CLDN10: variants seen among roughly 807,000 people sequenced by gnomAD.
CLDN10 encodes claudin-10.
Under a neutral mutation model 22.9 loss-of-function variants are expected in CLDN10, and 15 were observed. The ratio of observed to expected loss-of-function variants is 0.65; its 90% CI spans 0.44 to 1.01. The LOEUF is 1.01. Ranked by LOEUF, CLDN10 falls within the 50% of genes least tolerant of loss-of-function variation. The probability of loss-of-function intolerance (pLI) is 0.00; values close to 1 mark genes in which losing one functional copy is unlikely to be tolerated. For synonymous variants in CLDN10, 114 were observed against 111.4 expected (o/e 1.02, Z -0.15); for missense variants, 247 against 287.8 (o/e 0.86, Z 1.03).
At chr13:95,475,688 G>T (rs1299576131) in intron 1 of CLDN10, among the ~76,000 whole-genome samples, 2 of 152,186 alleles carry the variant, frequency 1.3e-5, no homozygotes, top group African/African-American at 2.4e-5. Flanking sequence ...TCCTCCAGCT[G>T]CCTTTCTCTG....
intron 1 of CLDN10, among the ~76,000 whole-genome samples, chr13:95,553,201 G>A (rs1197874382): frequency 6.6e-6 from 1 of 152,194 alleles, no homozygotes; most frequent in Non-Finnish European, 1.5e-5. Flanking sequence ...CCCGGGAGGG[G>A]GGACACGCAG....
intron 1 of CLDN10, among the ~76,000 whole-genome samples, chr13:95,489,739 T>C (rs2042849301): frequency 2.0e-5 from 3 of 152,238 alleles, no homozygotes. Flanking sequence ...TAGCTATTTA[T>C]CTTTGTTTTT....
chr13:95,534,149 T>C (rs904710833), intron 1 of CLDN10, among the ~76,000 whole-genome samples: 15 of 152,328 alleles, frequency 9.8e-5, no homozygotes, highest in African/African-American at 3.1e-4. Flanking sequence ...AGAAAAAGAA[T>C]TGTATTTCCT....
chr13:95,454,450 G>GAGGAAGGAAGGGAAGGA (rs1248631408), intron 1 of CLDN10, among the ~76,000 whole-genome samples: 2 of 151,984 alleles, frequency 1.3e-5, no homozygotes, highest in Non-Finnish European at 2.9e-5. Flanking sequence ...GAGAGAGAGA[G>GAGGAAGGAAGGGAAGGA]AGGAAGGAAG....
intron 1 of CLDN10, among the ~76,000 whole-genome samples, chr13:95,458,051 A>C (rs531936070): frequency 4.6e-5 from 7 of 152,122 alleles, no homozygotes; most frequent in Non-Finnish European, 7.4e-5. Flanking sequence ...CTGACCTTAG[A>C]TGAGGTTGGC....
rs1246964799 is a variant in CLDN10, at chr13:95,475,107, T to G, written c.214+41060T>G. ...CTGGTGCCACACAGAGGAGGAAACC[T>G]ATAAGCCAGGAAGTAGGAGCACACA... On this transcript the variant is annotated intron_variant, in intron 1 of 4. Coordinates refer to the CLDN10 transcript ENST00000376873. Among the ~76,000 whole-genome samples, 3 of 152,068 alleles carry G rather than the reference T, an allele frequency of 2.0e-5. No homozygotes were observed. The East Asian group carries it at 5.8e-4, about 29-fold the overall frequency.
intron 1 of CLDN10, among the ~76,000 whole-genome samples, chr13:95,462,983 G>A (rs1364778395): frequency 1.3e-5 from 2 of 152,062 alleles, no homozygotes; most frequent in Non-Finnish European, 2.9e-5. Context: ...GCTGTAAGCT[G>A]CTTGCCAAGG....
intron 1 of CLDN10, among the ~76,000 whole-genome samples, chr13:95,449,438 A>T (rs2042411963): frequency 6.6e-6 from 1 of 151,818 alleles, no homozygotes. Flanking sequence ...TTTAGTAGAG[A>T]TGGGGTTTCA....
intron 3 of CLDN10, among the ~76,000 whole-genome samples, chr13:95,574,820 A>G (rs945031453): frequency 2.0e-5 from 3 of 152,204 alleles, no homozygotes; most frequent in African/African-American, 7.2e-5. Context: ...GATATTAAAT[A>G]TTAATATAAG....
At chr13:95,489,906 T>C (rs2042852038) in intron 1 of CLDN10, among the ~76,000 whole-genome samples, 1 of 152,210 alleles carries the variant, frequency 6.6e-6, no homozygotes, top group Non-Finnish European at 1.5e-5. Context: ...AGGTGAGAGA[T>C]GAGGATCCAG....
chr13:95,527,615 A>C (rs2043297181), intron 1 of CLDN10, among the ~76,000 whole-genome samples: 1 of 152,116 alleles, frequency 6.6e-6, no homozygotes, highest in Non-Finnish European at 1.5e-5. Context: ...GGGTGCCTGT[A>C]ATCCCAGCTA....
chr13:95,475,978 G>T (rs964595084), intron 1 of CLDN10, among the ~76,000 whole-genome samples: 2 of 152,132 alleles, frequency 1.3e-5, no homozygotes, highest in African/African-American at 4.8e-5. Context: ...TTCTATGCTT[G>T]TCACAAATCT....
intron 4 of CLDN10, 131 bp downstream of exon 4, chr13:95,577,469 C>A: frequency 1.5e-6 from 1 of 656,104 alleles, no homozygotes; most frequent in Non-Finnish European, 2.6e-6. Flanking sequence ...AAAAGGTTAG[C>A]AGTACAGTTA....
intron 1 of CLDN10, among the ~76,000 whole-genome samples, chr13:95,470,721 T>G (rs2042621463): frequency 6.6e-6 from 1 of 152,146 alleles, no homozygotes; most frequent in Admixed American, 6.5e-5. Context: ...GTCCTGCCTA[T>G]TTCTGTTCTC....
At chr13:95,480,050 A>G (rs2042727586) in intron 1 of CLDN10, 1 of 126,010 alleles carries the variant, frequency 7.9e-6, no homozygotes, top group African/African-American at 2.9e-5. Context: ...GAGGCCTCAC[A>G]ATCATGGTGG....
chr13:95,544,859 C>A (rs1375685992), intron 1 of CLDN10, among the ~76,000 whole-genome samples: 1 of 151,970 alleles, frequency 6.6e-6, no homozygotes, highest in Non-Finnish European at 1.5e-5. Context: ...TCACTGCAAC[C>A]TCCATCTCCC....
Position 95,463,201 on chromosome 13 carries a change from C to G in CLDN10, c.214+29154C>G, listed in dbSNP as rs985891866. On this transcript the variant is annotated intron_variant, in intron 1 of 4. Transcript: ENST00000376873. ...AATATCTAACTATCTACCTATCTAT[C>G]ATCTATCTATCTATACACATATATA... Among the ~76,000 whole-genome samples the G allele has an allele frequency of 1.3e-4, 19 of 146,592 alleles. No homozygotes were observed. In the East Asian group the frequency reaches 3.6e-3, roughly 28 times the overall value.
chr13:95,525,315 G>A (rs569233457), intron 1 of CLDN10, among the ~76,000 whole-genome samples: 1 of 151,924 alleles, frequency 6.6e-6, no homozygotes, highest in South Asian at 2.1e-4. Context: ...GTCTATTCAA[G>A]TCCTTTGTCC....
rs910743629 is a variant in CLDN10, at chr13:95,484,887, A to G, written c.214+50840A>G. Among the ~76,000 whole-genome samples, 75 of 150,578 alleles carry G rather than the reference A, an allele frequency of 5.0e-4. 1 individual carries two copies. Among genetic ancestry groups the G allele is most frequent in the Non-Finnish European group, 9.9e-4 (67 of 67,418 alleles). ...TCTCAAAAAAAAAAAAAAAAAAAAA[A>G]AAAAAAAAGAAGCAGAGTGCAATAC... On this transcript the variant is annotated intron_variant, in intron 1 of 4. Transcript: ENST00000376873.
Sources: allele counts gnomAD v4.1 joint callset (sites outside exome capture counted in the v4.1 genomes callset), GRCh38; gene constraint gnomAD v4.1.1; transcripts MANE v1.5; gene names NCBI Gene and HGNC (gene_info 2026-07-23, HGNC 2026-07-21).